ATAD2B: variants seen among roughly 807,000 people sequenced by gnomAD.
ATAD2B encodes ATPase family AAA domain containing 2B.
A neutral mutation model predicts 167.6 loss-of-function variants in ATAD2B; 40 were observed. The observed-to-expected ratio is 0.24, with a 90% confidence interval of 0.19 to 0.31. ATAD2B has a LOEUF of 0.31. Among genes scored for constraint, ATAD2B ranks in the 10% least tolerant of loss-of-function variants. ATAD2B has a pLI of 1.00. For synonymous variants in ATAD2B, 579 were observed against 596.5 expected, an observed-to-expected ratio of 0.97 and a Z score of 0.43; for missense variants, 1,242 against 1,757.2, an observed-to-expected ratio of 0.71 and a Z score of 5.24.
At chr2:23,866,629 A>G (rs1695178689) in intron 10 of ATAD2B, among the ~76,000 whole-genome samples, 1 of 152,182 alleles carries the variant, frequency 6.6e-6, no homozygotes, top group South Asian at 2.1e-4. Flanking sequence ...GAGAAGGTGC[A>G]CTATTAGAAA....
chr2:23,717,612 TTC>T, the ATAD2B span, among the ~76,000 whole-genome samples: 1 of 152,174 alleles, frequency 6.6e-6, no homozygotes, highest in African/African-American at 2.4e-5. Flanking sequence ...CCAGGCTTCC[TTC>T]TAAAAGTTCA....
chr2:23,805,806 A>ACAAAAAC (rs1684294438), intron 18 of ATAD2B, among the ~76,000 whole-genome samples: 1 of 145,704 alleles, frequency 6.9e-6, no homozygotes, highest in South Asian at 2.1e-4. Context: ...AAAAAAAAAA[A>ACAAAAAC]AACAAATCTG....
chr2:23,693,773 G>A, the ATAD2B span, among the ~76,000 whole-genome samples: 1 of 152,226 alleles, frequency 6.6e-6, no homozygotes, highest in Non-Finnish European at 1.5e-5. Flanking sequence ...GCAGGGAGAA[G>A]TGGGTCCCTG....
chr2:23,773,484 T>C (rs1678651344), intron 22 of ATAD2B, among the ~76,000 whole-genome samples: 1 of 152,162 alleles, frequency 6.6e-6, no homozygotes. Flanking sequence ...ATCGCACCAC[T>C]GCATTCCAGA....
chr2:23,909,715 T>G (rs1701996589), intron 1 of ATAD2B, among the ~76,000 whole-genome samples: 1 of 152,128 alleles, frequency 6.6e-6, no homozygotes, highest in Non-Finnish European at 1.5e-5. Context: ...TACGTACATA[T>G]TATTTGAAAT....
chr2:23,878,010 CAAAGAAA>C lies in ATAD2B; in HGVS notation c.902-2113_902-2107del, dbSNP rs1697214882. ...ACTCCAGCCTGGATGACCCTATCTC[CAAAGAAA>C]AAAAAAAAAAAAAAAAAAAAAAGCA... On this transcript the variant is annotated intron_variant, in intron 7 of 27. Coordinates refer to ENST00000238789, the MANE Select transcript of ATAD2B (RefSeq NM_017552.4). Among the ~76,000 whole-genome samples, 38 of 28,608 alleles carry C rather than the reference CAAAGAAA, an allele frequency of 1.3e-3. 2 individuals carry two copies. Among genetic ancestry groups the C allele is most frequent in the Admixed American group, 4.9e-3 (8 of 1,646 alleles). 18.8% of individuals were successfully genotyped at this position (28,608 alleles called of 152,430 possible). A position where few individuals can be genotyped will look rare whatever the true frequency, so the allele number is the denominator to read the frequency against.
chr2:23,695,550 C>A, the ATAD2B span: 7 of 1,047,610 alleles, frequency 6.7e-6, no homozygotes, highest in Non-Finnish European at 8.3e-6. This position sits in a 1 kb window ranked among gnomAD's most constrained non-coding sequence, Gnocchi z 7.6. Flanking sequence ...TGCAGCCCCA[C>A]ACCATTTCTT....
chr2:23,696,382 C>A, the ATAD2B span: 1 of 1,551,628 alleles, frequency 6.4e-7, no homozygotes, highest in Middle Eastern at 1.7e-4. The surrounding 1 kb of genome is among the most constrained non-coding windows in gnomAD (Gnocchi z 5.5). Context: ...GCTACATGTC[C>A]CTGCTTGATA....
At chr2:23,701,819 T>TTC in the ATAD2B span, among the ~76,000 whole-genome samples, 2 of 103,290 alleles carry the variant, frequency 1.9e-5, no homozygotes, top group Non-Finnish European at 2.0e-5. Context: ...TTTTTTTTTT[T>TTC]CAGACGGAGT....
chr2:23,729,902 A>C, the ATAD2B span, among the ~76,000 whole-genome samples: 1 of 152,244 alleles, frequency 6.6e-6, no homozygotes, highest in African/African-American at 2.4e-5. Flanking sequence ...TACATGAAGG[A>C]AAAACTGATA....
intron 18 of ATAD2B, among the ~76,000 whole-genome samples, chr2:23,800,677 GTCCACATT>G (rs1683340179): frequency 6.6e-6 from 1 of 151,632 alleles, no homozygotes. Context: ...TTAGAAATTT[GTCCACATT>G]TCCAAAAAAT....
chr2:23,684,344 A>G, the ATAD2B span: 1 of 1,293,162 alleles, frequency 7.7e-7, no homozygotes, highest in Middle Eastern at 2.1e-4. This position sits in a 1 kb window ranked among gnomAD's most constrained non-coding sequence, Gnocchi z 4.4. Flanking sequence ...TTTTAATTAA[A>G]AAAAAAAAAA....
intron 2 of ATAD2B, among the ~76,000 whole-genome samples, chr2:23,894,944 A>T (rs541662542): frequency 1.3e-5 from 2 of 152,338 alleles, no homozygotes; most frequent in South Asian, 4.1e-4. Flanking sequence ...AAATGTACGC[A>T]GCCTGTCAAA....
At chr2:23,833,655 C>T (rs536995862) in intron 14 of ATAD2B, among the ~76,000 whole-genome samples, 4 of 152,262 alleles carry the variant, frequency 2.6e-5, no homozygotes, top group African/African-American at 9.6e-5. Flanking sequence ...ACAATTACTA[C>T]AATCTGGAGA....
intron 12 of ATAD2B, among the ~76,000 whole-genome samples, chr2:23,861,462 A>G (rs146906257): frequency 6.6e-6 from 1 of 151,366 alleles, no homozygotes; most frequent in Non-Finnish European, 1.5e-5. Flanking sequence ...TAACTTAGGA[A>G]TGCAGAATCT....
rs13430580 is a variant in ATAD2B at position 23,828,314 on chromosome 2, C to A, written c.1819+535G>T. 1.7e-3 allele frequency among the ~76,000 whole-genome samples: 266 copies of A among 152,198 alleles called. 1 individual carries two copies. Among genetic ancestry groups the A allele is most frequent in the African/African-American group, 6.1e-3 (255 of 41,526 alleles). ...GTGTTCATTCACTCTGTGGGGAGAT[C>A]TTCCACTCTGTGAAAAATTTAAAGT... On this transcript the variant is annotated intron_variant, in intron 15 of 27. Coordinates refer to ENST00000238789, the MANE Select transcript of ATAD2B (RefSeq NM_017552.4).
the ATAD2B span, among the ~76,000 whole-genome samples, chr2:23,737,736 G>T: frequency 1.3e-5 from 2 of 152,142 alleles, no homozygotes; most frequent in Non-Finnish European, 2.9e-5. Context: ...GGTTTCAGAC[G>T]ATCAAACTAC....
chr2:23,742,084 G>A, the ATAD2B span, among the ~76,000 whole-genome samples: 9 of 152,120 alleles, frequency 5.9e-5, no homozygotes, highest in Non-Finnish European at 1.3e-4. Context: ...GGAGAAATAG[G>A]AACACTTTTA....
At chr2:23,695,127 T>G in the ATAD2B span, among the ~76,000 whole-genome samples, 5 of 152,234 alleles carry the variant, frequency 3.3e-5, no homozygotes, top group Admixed American at 2.0e-4. The surrounding 1 kb of genome is among the most constrained non-coding windows in gnomAD (Gnocchi z 7.6). Flanking sequence ...ACTGAAAGTT[T>G]TCGGTGCTGG....
Sources: allele counts gnomAD v4.1 joint callset (sites outside exome capture counted in the v4.1 genomes callset), GRCh38; gene constraint gnomAD v4.1.1; non-coding constraint Gnocchi (gnomAD v3.1); transcripts MANE v1.5; gene names NCBI Gene and HGNC (gene_info 2026-07-23, HGNC 2026-07-21).